GPC5: variants seen among roughly 807,000 people sequenced by gnomAD.
GPC5 encodes glypican 5.
In GPC5, 47 loss-of-function variants were observed where a neutral mutation model predicts 53.9. That is an observed-to-expected ratio of 0.87 (90% CI 0.69 to 1.11). The LOEUF is 1.11. GPC5 is among the 50% of genes most tolerant of loss of function. GPC5 has a pLI of 0.00. For synonymous variants in GPC5, 286 were observed against 263.3 expected (o/e 1.09, Z -0.84); for missense variants, 748 against 713.1 (o/e 1.05, Z -0.56).
intron 7 of GPC5, among the ~76,000 whole-genome samples, chr13:92,475,640 T>C (rs1161498177): frequency 6.6e-6 from 1 of 152,120 alleles, no homozygotes; most frequent in Admixed American, 6.6e-5. Flanking sequence ...CAAACTATAC[T>C]ACAAGGCTAC....
At chr13:92,047,440 A>ATT (rs1174054826) in intron 6 of GPC5, among the ~76,000 whole-genome samples, 1 of 96,156 alleles carries the variant, frequency 1.0e-5, no homozygotes, top group Non-Finnish European at 2.4e-5. Flanking sequence ...CTATATATAT[A>ATT]TATTTTTTTT....
At chr13:92,761,701 AT>A (rs1360818094) in intron 7 of GPC5, among the ~76,000 whole-genome samples, 1 of 152,170 alleles carries the variant, frequency 6.6e-6, no homozygotes, top group Non-Finnish European at 1.5e-5. Flanking sequence ...GTAGAATGTA[AT>A]CCATTTACAT....
At chr13:91,804,396 A>G (rs1374043965) in intron 5 of GPC5, among the ~76,000 whole-genome samples, 1 of 152,210 alleles carries the variant, frequency 6.6e-6, no homozygotes, top group African/African-American at 2.4e-5. Context: ...TTGCCACTTC[A>G]AAGTGCCAGC....
intron 2 of GPC5, among the ~76,000 whole-genome samples, chr13:91,473,260 G>A (rs1882741354): frequency 6.6e-6 from 1 of 152,014 alleles, no homozygotes; most frequent in South Asian, 2.1e-4. Context: ...ATCCTGTAAG[G>A]ATTACAGTTC....
At chr13:92,546,179 G>A (rs1158172438) in intron 7 of GPC5, among the ~76,000 whole-genome samples, 1 of 152,082 alleles carries the variant, frequency 6.6e-6, no homozygotes, top group African/African-American at 2.4e-5. Context: ...CTTCAGGCAG[G>A]AGAAGGAAAT....
intron 7 of GPC5, among the ~76,000 whole-genome samples, chr13:92,705,729 T>C (rs1312281671): frequency 6.6e-6 from 1 of 152,098 alleles, no homozygotes. Context: ...TATAAAGTTA[T>C]TTTTTAAACT....
intron 6 of GPC5, among the ~76,000 whole-genome samples, chr13:91,943,285 TTATATCATG>T (rs2039944914): frequency 1.3e-5 from 2 of 152,174 alleles, no homozygotes; most frequent in African/African-American, 4.8e-5. Flanking sequence ...TAAATGAGTG[TTATATCATG>T]TAGTGTATGT....
chr13:92,396,389 C>A (rs959321145), intron 7 of GPC5, among the ~76,000 whole-genome samples: 1 of 151,720 alleles, frequency 6.6e-6, no homozygotes, highest in African/African-American at 2.4e-5. Flanking sequence ...GTCATGTTTG[C>A]TTTTTTCATT....
chr13:91,922,888 C>A (rs1566344134), intron 6 of GPC5, among the ~76,000 whole-genome samples: 4 of 152,126 alleles, frequency 2.6e-5, no homozygotes, highest in Non-Finnish European at 5.9e-5. Context: ...AGATCTTACT[C>A]CTAAATGCTC....
chr13:91,868,222 T>TA (rs746369411), intron 5 of GPC5, among the ~76,000 whole-genome samples: 1 of 152,124 alleles, frequency 6.6e-6, no homozygotes, highest in Non-Finnish European at 1.5e-5. Context: ...GAATTAGCCT[T>TA]TAGTGAAGAA....
At chr13:91,441,920 T>C (rs1255957808) in intron 1 of GPC5, among the ~76,000 whole-genome samples, 1 of 152,168 alleles carries the variant, frequency 6.6e-6, no homozygotes, top group African/African-American at 2.4e-5. Context: ...TATAAGTACA[T>C]CTTGATCTCA....
At chr13:92,127,962 A>G (rs1020515566) in intron 6 of GPC5, among the ~76,000 whole-genome samples, 1 of 152,226 alleles carries the variant, frequency 6.6e-6, no homozygotes, top group Non-Finnish European at 1.5e-5. Flanking sequence ...GCGATGAAAT[A>G]AGACAATCCT....
chr13:92,107,807 G>T (rs765214574), intron 6 of GPC5, among the ~76,000 whole-genome samples: 4 of 152,062 alleles, frequency 2.6e-5, no homozygotes, highest in Non-Finnish European at 5.9e-5. Context: ...CATTGCTCAA[G>T]CTCTACCTCA....
At chr13:91,892,348 G>A (rs545977077) in intron 5 of GPC5, among the ~76,000 whole-genome samples, 2 of 151,118 alleles carry the variant, frequency 1.3e-5, no homozygotes, top group East Asian at 3.9e-4. Flanking sequence ...CTACTTACTT[G>A]TTCCTTTTTA....
intron 7 of GPC5, among the ~76,000 whole-genome samples, chr13:92,235,829 C>A (rs2042565619): frequency 6.6e-6 from 1 of 151,812 alleles, no homozygotes; most frequent in African/African-American, 2.4e-5. Flanking sequence ...TCTCAAAGTC[C>A]CCCTCTCACT....
At chr13:91,434,811 A>G (rs1879783047) in intron 1 of GPC5, among the ~76,000 whole-genome samples, 1 of 152,132 alleles carries the variant, frequency 6.6e-6, no homozygotes, top group Admixed American at 6.6e-5. Flanking sequence ...GATTCTTCCT[A>G]TCCATGAGCA....
intron 2 of GPC5, among the ~76,000 whole-genome samples, chr13:91,465,001 T>G (rs1882153046): frequency 6.6e-6 from 1 of 152,128 alleles, no homozygotes; most frequent in Non-Finnish European, 1.5e-5. Flanking sequence ...TGAATCTATA[T>G]CGTTTCAAAA....
At chr13:92,421,807 G>A (rs959188895) in intron 7 of GPC5, among the ~76,000 whole-genome samples, 2 of 151,898 alleles carry the variant, frequency 1.3e-5, no homozygotes, top group Admixed American at 1.3e-4. Flanking sequence ...AGCCAGAGAC[G>A]GTGTCTTCAT....
At chr13:92,043,538 G>A (rs1335792754) in intron 6 of GPC5, among the ~76,000 whole-genome samples, 1 of 152,168 alleles carries the variant, frequency 6.6e-6, no homozygotes, top group Non-Finnish European at 1.5e-5. Flanking sequence ...CAGTGAATTG[G>A]AAGTCTTCAT....
Sources: gnomAD v4.1 joint callset for allele counts (sites outside exome capture counted in the v4.1 genomes callset) on GRCh38, gnomAD v4.1.1 for gene constraint, MANE v1.5 for transcripts, NCBI Gene and HGNC (gene_info 2026-07-23, HGNC 2026-07-21) for gene names.